Variants in DDR2 observed in about 807,000 individuals in gnomAD.
The protein encoded by DDR2 is discoidin domain receptor tyrosine kinase 2.
A neutral mutation model predicts 94.9 loss-of-function variants in DDR2; 27 were observed. That is an observed-to-expected ratio of 0.28 (90% CI 0.21 to 0.39). DDR2 has a LOEUF of 0.39. Among genes scored for constraint, DDR2 ranks in the 10% least tolerant of loss-of-function variants. The pLI is 1.00. For synonymous variants in DDR2, 382 were observed against 377.2 expected (o/e 1.01, Z -0.15); for missense variants, 783 against 1,076.0 (o/e 0.73, Z 3.81).
At chr1:162,650,696 G>A (rs1159761431) in intron 1 of DDR2, among the ~76,000 whole-genome samples, 1 of 152,046 alleles carries the variant, frequency 6.6e-6, no homozygotes, top group Non-Finnish European at 1.5e-5. Context: ...TCCTGTGCTA[G>A]TCATTGGTCA....
At chr1:162,778,000 T>C (rs1036570720) in intron 16 of DDR2, 1 of 159,844 alleles carries the variant, frequency 6.3e-6, no homozygotes, top group Non-Finnish European at 1.4e-5. Context: ...GGCAACATAA[T>C]GAGACCCCAT....
rs137890715 is a variant in DDR2, at chr1:162,722,523, C to A, written c.82+3378C>A. ...ATGTCAAAATCATGGCTCAGAAATA[C>A]CATTTAGCTAGTGACATCCAAATCA... On this transcript the variant is annotated intron_variant, in intron 3 of 17. Coordinates refer to ENST00000367921, the MANE Select transcript of DDR2 (RefSeq NM_006182.4). Among the ~76,000 whole-genome samples the A allele has an allele frequency of 7.9e-3, 1,200 of 152,230 alleles. 20 individuals are homozygous for A. The highest frequency in any genetic ancestry group is 0.027 in the African/African-American group (1,130 of 41,524).
chr1:162,673,598 TGTGTGTGTGTGAGAGAGA>T (rs1558018915), intron 2 of DDR2, among the ~76,000 whole-genome samples: 16 of 135,328 alleles, frequency 1.2e-4, no homozygotes, highest in South Asian at 5.3e-4. Flanking sequence ...TGTGTGTATG[TGTGTGTGTGTGAGAGAGA>T]GAGAGAGAGA....
intron 1 of DDR2, among the ~76,000 whole-genome samples, chr1:162,654,081 A>G (rs968552334): frequency 5.3e-5 from 8 of 152,228 alleles, no homozygotes; most frequent in Non-Finnish European, 7.3e-5. Flanking sequence ...TGTCCCCAAC[A>G]TGTATAATAG....
intron 3 of DDR2, among the ~76,000 whole-genome samples, chr1:162,736,412 G>A (rs183283954): frequency 9.1e-4 from 138 of 152,316 alleles, no homozygotes; most frequent in Admixed American, 5.5e-3. Context: ...ATTTTCAAGG[G>A]TTGTGTGCTC....
intron 2 of DDR2, among the ~76,000 whole-genome samples, chr1:162,694,763 T>G (rs1660110639): frequency 6.6e-6 from 1 of 152,264 alleles, no homozygotes; most frequent in African/African-American, 2.4e-5. Flanking sequence ...AGTATTTTTA[T>G]TAGTAACTGA....
At chr1:162,729,300 A>ATATTT (rs1416872679) in intron 3 of DDR2, among the ~76,000 whole-genome samples, 1 of 94,016 alleles carries the variant, frequency 1.1e-5, no homozygotes, top group Non-Finnish European at 1.8e-5. Context: ...ATATATATAT[A>ATATTT]TTTTTTTTTT....
intron 3 of DDR2, among the ~76,000 whole-genome samples, chr1:162,749,249 A>G (rs1049528201): frequency 1.3e-5 from 2 of 152,238 alleles, no homozygotes; most frequent in Non-Finnish European, 2.9e-5. Flanking sequence ...CAAAATTGAT[A>G]GACCGCTAGC....
At chr1:162,698,500 A>AT (rs1347403857) in intron 2 of DDR2, among the ~76,000 whole-genome samples, 1 of 151,774 alleles carries the variant, frequency 6.6e-6, no homozygotes, top group African/African-American at 2.4e-5. Flanking sequence ...CTTCTCCTTT[A>AT]TTTTTTACTT....
At chr1:162,696,216 A>ATTTTT (rs1558032410) in intron 2 of DDR2, among the ~76,000 whole-genome samples, 2 of 26,942 alleles carry the variant, frequency 7.4e-5, no homozygotes, top group South Asian at 3.7e-3. Flanking sequence ...TTTTTTTTTA[A>ATTTTT]AAAAAAAACA....
At chr1:162,741,592 A>C in intron 3 of DDR2, 1 of 985,380 alleles carries the variant, frequency 1.0e-6, no homozygotes, top group Non-Finnish European at 1.2e-6. Flanking sequence ...CAAGATGGCA[A>C]TCAGGGACAC....
At chr1:162,665,672 G>C (rs1266375049) in intron 2 of DDR2, among the ~76,000 whole-genome samples, 1 of 151,746 alleles carries the variant, frequency 6.6e-6, no homozygotes, top group Non-Finnish European at 1.5e-5. Flanking sequence ...ACTCCATGGG[G>C]AGGAAAAAAA....
chr1:162,778,250 A>C (rs1256092939), intron 16 of DDR2, among the ~76,000 whole-genome samples: 1 of 152,126 alleles, frequency 6.6e-6, no homozygotes, highest in Non-Finnish European at 1.5e-5. Context: ...AAAACCATTG[A>C]CTTCCCATTC....
At chr1:162,683,020 G>A (rs1659486937) in intron 2 of DDR2, among the ~76,000 whole-genome samples, 1 of 152,046 alleles carries the variant, frequency 6.6e-6, no homozygotes, top group Non-Finnish European at 1.5e-5. Context: ...ATACAACCAT[G>A]TACAAAAAGA....
chr1:162,777,686 G>A (rs1647658144), intron 16 of DDR2: 1 of 152,114 alleles, frequency 6.6e-6, no homozygotes, highest in South Asian at 2.1e-4. Context: ...AAGAATTTGG[G>A]AAACCTCTCC....
In DDR2 at chr1:162,782,165, C is replaced by T. The variant is rs2102215410; in HGVS notation, c.*1919C>T. On this transcript the variant is annotated 3_prime_UTR_variant, in exon 18 of 18. Coordinates refer to ENST00000367921, the MANE Select transcript of DDR2 (RefSeq NM_006182.4). ...TTTGGGAGCTTTAATCCTCTTTCTG[C>T]TTCACACTAAGTGTGTCATCTTGGC... The T allele has an allele frequency of 6.6e-6, 1 of 152,310 alleles. No individual in the cohort carries two copies. Among genetic ancestry groups the T allele is most frequent in the South Asian group, 2.1e-4 (1 of 4,826 alleles). The allele number at this position is 152,310 out of a possible 1,614,324, so 9.4% of individuals were successfully genotyped here.
chr1:162,655,476 A>T (rs1657910657), intron 2 of DDR2, 102 bp downstream of exon 2: 1 of 152,216 alleles, frequency 6.6e-6, no homozygotes, highest in African/African-American at 2.4e-5. Flanking sequence ...TCACAGGGAA[A>T]GTTGAACACT....
intron 2 of DDR2, among the ~76,000 whole-genome samples, chr1:162,662,802 T>G (rs931178557): frequency 6.6e-6 from 1 of 152,012 alleles, no homozygotes; most frequent in African/African-American, 2.4e-5. Context: ...CTGGATTGAT[T>G]GCGATTCAGT....
At chr1:162,694,272 A>G (rs1249203614) in intron 2 of DDR2, among the ~76,000 whole-genome samples, 1 of 152,130 alleles carries the variant, frequency 6.6e-6, no homozygotes, top group Non-Finnish European at 1.5e-5. Context: ...TAAATGCCCT[A>G]CAAGGTTTTG....
Sources: gnomAD v4.1 joint callset for allele counts (sites outside exome capture counted in the v4.1 genomes callset) on GRCh38, gnomAD v4.1.1 for gene constraint, MANE v1.5 for transcripts, NCBI Gene and HGNC (gene_info 2026-07-23, HGNC 2026-07-21) for gene names.